Variants in TMEM182 observed in about 807,000 individuals in gnomAD.
The protein encoded by TMEM182 is transmembrane protein 182.
In TMEM182, 20 loss-of-function variants were observed where a neutral mutation model predicts 26.8. That is an observed-to-expected ratio of 0.75 (90% CI 0.53 to 1.09). The LOEUF is 1.09. TMEM182 is among the 50% of genes least tolerant of loss of function. The pLI, the probability that TMEM182 is intolerant of heterozygous loss-of-function variation, is 0.00. For synonymous variants in TMEM182, 109 were observed against 102.2 expected (o/e 1.07, Z -0.40); for missense variants, 277 against 275.5 (o/e 1.01, Z -0.04).
Position 102,762,583 on chromosome 2 carries a change from G to A in TMEM182, c.133-4G>A, listed in dbSNP as rs201874052. 5.6e-6 allele frequency: 9 copies of A among 1,612,880 alleles called. No homozygotes were observed. Among genetic ancestry groups the A allele is most frequent in the Non-Finnish European group, 7.6e-6 (9 of 1,179,492 alleles). On this transcript the variant is annotated splice_region_variant and splice_polypyrimidine_tract_variant and intron_variant, in intron 1 of 4. Transcript: ENST00000412401. ...GGCAAGTTACTTCATTTTGTTCTGT[G>A]CAGATAGAGAACGTCACTTTTCACC...
chr2:102,837,669 G>A (rs1308584014), intron 3 of TMEM182, among the ~76,000 whole-genome samples: 3 of 152,190 alleles, frequency 2.0e-5, no homozygotes, highest in Admixed American at 6.5e-5. Flanking sequence ...AGCTGCTGCA[G>A]GATCACTTGG....
chr2:102,815,236 A>G lies in TMEM182; in HGVS notation c.*268A>G, dbSNP rs2104759316. Reference sequence around the variant, plus strand: ...GTCTCCCTTTCATTGAACATGTTAGAGTTCATGCAGGTCGCAAAGGCCTGA... The same window carrying G: ...GTCTCCCTTTCATTGAACATGTTAGGGTTCATGCAGGTCGCAAAGGCCTGA... On this transcript the variant is annotated 3_prime_UTR_variant, in exon 5 of 5. Transcript: ENST00000412401. The G allele has an allele frequency of 2.5e-6, 3 of 1,211,620 alleles. No individual in the cohort carries two copies. Among genetic ancestry groups the G allele is most frequent in the Non-Finnish European group, 3.1e-6 (3 of 971,000 alleles). 75.1% of individuals were successfully genotyped at this position (1,211,620 alleles called of 1,614,324 possible).
intron 3 of TMEM182, among the ~76,000 whole-genome samples, chr2:102,788,685 C>A (rs532872700): frequency 6.6e-6 from 1 of 152,178 alleles, no homozygotes; most frequent in South Asian, 2.1e-4. Flanking sequence ...TGAAGAAACT[C>A]ATGCTTCTCC....
intron 4 of TMEM182, among the ~76,000 whole-genome samples, chr2:102,805,040 G>A (rs751084732): frequency 2.0e-5 from 3 of 152,160 alleles, no homozygotes; most frequent in African/African-American, 7.2e-5. Context: ...ATTTTCCAAC[G>A]TCCTTGGTCT....
intron 3 of TMEM182, chr2:102,775,419 C>T (rs532604496): frequency 2.3e-3 from 347 of 152,266 alleles, no homozygotes; most frequent in African/African-American, 8.0e-3. Flanking sequence ...ATGACAAACC[C>T]ACAGCCAATA....
intron 3 of TMEM182, among the ~76,000 whole-genome samples, chr2:102,824,550 C>T (rs1326286370): frequency 2.0e-5 from 3 of 152,152 alleles, no homozygotes; most frequent in Non-Finnish European, 2.9e-5. Context: ...GCTGGCCAGG[C>T]GTGGTGGCTC....
intron 3 of TMEM182, among the ~76,000 whole-genome samples, chr2:102,833,959 G>A (rs796336380): frequency 2.6e-5 from 4 of 152,226 alleles, no homozygotes; most frequent in African/African-American, 9.6e-5. Context: ...ATTAAGATGA[G>A]GTCTGCTAAG....
Position 102,816,179 on chromosome 2 carries a change from G to A in TMEM182, c.*1211G>A. On this transcript the variant is annotated 3_prime_UTR_variant, in exon 5 of 5. Transcript: ENST00000412401. ...GTTGATTGAAATCAAATCCATCTGA[G>A]ATGCCTAGCTCGTATTTGCATTCTG... The A allele has an allele frequency of 1.0e-6, 1 of 985,380 alleles. No homozygotes were observed. The highest frequency in any genetic ancestry group is 1.2e-6 in the Non-Finnish European group (1 of 829,942). The allele number at this position is 985,380 out of a possible 1,614,324, so 61.0% of individuals were successfully genotyped here. A position where few individuals can be genotyped will look rare whatever the true frequency, so the allele number is the denominator to read the frequency against.
Position 102,762,121 on chromosome 2 carries a change from T to C in TMEM182, c.-97T>C. 9.8e-7 allele frequency: 1 copy of C among 1,017,606 alleles called. No homozygotes were observed. 63.0% of individuals were successfully genotyped at this position (1,017,606 alleles called of 1,614,324 possible). Reference sequence around the variant, plus strand: ...GATTCTGCCAACTCAAAAATATTATTCTTTTTTTTTTTTTTTTGCTGTTGT... The same window carrying C: ...GATTCTGCCAACTCAAAAATATTATCCTTTTTTTTTTTTTTTTGCTGTTGT... On this transcript the variant is annotated 5_prime_UTR_variant, in exon 1 of 5. Coordinates refer to ENST00000412401, the MANE Select transcript of TMEM182 (RefSeq NM_144632.5).
chr2:102,768,116 T>G (rs978026502), intron 3 of TMEM182, among the ~76,000 whole-genome samples: 1 of 152,194 alleles, frequency 6.6e-6, no homozygotes, highest in South Asian at 2.1e-4. Flanking sequence ...TAAAACCCAG[T>G]CTTTAATTTG....
intron 3 of TMEM182, among the ~76,000 whole-genome samples, chr2:102,788,895 A>G (rs1232041194): frequency 6.6e-6 from 1 of 152,190 alleles, no homozygotes; most frequent in East Asian, 1.9e-4. Context: ...TTTGCTTGGC[A>G]TGTTCACGAT....
upstream of TMEM182, among the ~76,000 whole-genome samples, chr2:102,757,131 G>A (rs1680065314): frequency 6.6e-6 from 1 of 152,040 alleles, no homozygotes; most frequent in Non-Finnish European, 1.5e-5. Context: ...CTTAAGATTG[G>A]CAAGGAGGGA....
chr2:102,759,083 A>G (rs967778023), upstream of TMEM182, among the ~76,000 whole-genome samples: 1 of 152,318 alleles, frequency 6.6e-6, no homozygotes, highest in Middle Eastern at 3.4e-3. Context: ...CTTTTCTCTG[A>G]CAAAGACCAA....
At chr2:102,778,945 C>T (rs1681044089) in intron 3 of TMEM182, among the ~76,000 whole-genome samples, 1 of 152,000 alleles carries the variant, frequency 6.6e-6, no homozygotes, top group Non-Finnish European at 1.5e-5. Context: ...GTTTTTGCTT[C>T]CTTTCTGGTG....
chr2:102,749,004 A>G (rs1679797783), intron 1 of TMEM182, among the ~76,000 whole-genome samples: 1 of 152,196 alleles, frequency 6.6e-6, no homozygotes, highest in East Asian at 1.9e-4. Flanking sequence ...GGAGGAATTT[A>G]TCACAATAAA....
In TMEM182 at chr2:102,749,854, T is replaced by C. The variant is rs534766806; in HGVS notation, c.-82-8535T>C. Among the ~76,000 whole-genome samples the C allele has an allele frequency of 2.8e-4, 43 of 152,180 alleles. 1 individual carries two copies. The East Asian group carries it at 7.1e-3, about 25-fold the overall frequency. On this transcript the variant is annotated intron_variant, in intron 1 of 5. Coordinates refer to the TMEM182 transcript ENST00000409173. ...TTATGTAAAAAATACAAATATTTGC[T>C]TCCATCCTGTACAAAAAAAATTAGA...
chr2:102,839,171 A>T (rs1000871723), intron 3 of TMEM182, among the ~76,000 whole-genome samples: 1 of 152,086 alleles, frequency 6.6e-6, no homozygotes, highest in Non-Finnish European at 1.5e-5. Context: ...ACATGGCATA[A>T]ACAGTGGGTA....
intron 3 of TMEM182, among the ~76,000 whole-genome samples, chr2:102,793,420 A>G (rs1681732501): frequency 6.6e-6 from 1 of 152,166 alleles, no homozygotes; most frequent in Admixed American, 6.5e-5. Flanking sequence ...AAACATGACT[A>G]CTGCACTCTA....
chr2:102,774,410 C>A (rs1006291167), intron 3 of TMEM182, among the ~76,000 whole-genome samples: 2 of 151,420 alleles, frequency 1.3e-5, no homozygotes, highest in Non-Finnish European at 2.9e-5. Flanking sequence ...TGCATGCCAC[C>A]ATGCCTGGCT....
Sources: gnomAD v4.1 joint callset for allele counts (sites outside exome capture counted in the v4.1 genomes callset) on GRCh38, gnomAD v4.1.1 for gene constraint, MANE v1.5 for transcripts, NCBI Gene and HGNC (gene_info 2026-07-23, HGNC 2026-07-21) for gene names.